The following CADPS variants were observed in gnomAD, a reference collection of about 807,000 sequenced individuals.
The protein encoded by CADPS is calcium-dependent secretion activator 1.
CADPS carries 57 observed loss-of-function variants against 167.3 expected under a neutral mutation model. The ratio of observed to expected loss-of-function variants is 0.34; its 90% CI spans 0.28 to 0.42. The LOEUF is 0.42. Ranked by LOEUF, CADPS falls within the 20% of genes least tolerant of loss-of-function variation. The pLI is 1.00. For missense variants in CADPS, 1,414 were observed against 1,738.1 expected (o/e 0.81, Z 3.32); for synonymous variants, 676 against 635.3 (o/e 1.06, Z -0.96).
intron 9 of CADPS, among the ~76,000 whole-genome samples, chr3:62,570,606 T>C (rs556509434): frequency 2.2e-4 from 34 of 152,320 alleles, no homozygotes; most frequent in Admixed American, 5.2e-4. Context: ...TACTGTATTG[T>C]TCGAATTAAA....
At chr3:62,769,130 T>TA (rs2087780279) in intron 1 of CADPS, among the ~76,000 whole-genome samples, 1 of 152,182 alleles carries the variant, frequency 6.6e-6, no homozygotes, top group Non-Finnish European at 1.5e-5. Context: ...CTCATAGGGT[T>TA]GTTGTGAGGA....
chr3:62,698,755 T>TC (rs2080842162), intron 3 of CADPS, among the ~76,000 whole-genome samples: 1 of 97,996 alleles, frequency 1.0e-5, no homozygotes, highest in Non-Finnish European at 2.0e-5. Context: ...TTTTTTTTTT[T>TC]TTCAGACAGG....
At chr3:62,469,177 A>G (rs889702463) in intron 24 of CADPS, among the ~76,000 whole-genome samples, 1 of 152,216 alleles carries the variant, frequency 6.6e-6, no homozygotes, top group Non-Finnish European at 1.5e-5. Flanking sequence ...GCAAAGAGGT[A>G]AATATCAAAG....
intron 2 of CADPS, among the ~76,000 whole-genome samples, chr3:62,762,781 T>C (rs1440621712): frequency 6.6e-6 from 1 of 152,128 alleles, no homozygotes; most frequent in Non-Finnish European, 1.5e-5. Context: ...CTGGAACTAA[T>C]GCTCTGCGGA....
At chr3:62,428,817 T>C (rs1274281904) in intron 28 of CADPS, among the ~76,000 whole-genome samples, 2 of 152,166 alleles carry the variant, frequency 1.3e-5, no homozygotes, top group Non-Finnish European at 2.9e-5. Flanking sequence ...TTTGGCCATA[T>C]CTGGAGACAT....
At chr3:62,847,074 C>T (rs2077575959) in intron 1 of CADPS, among the ~76,000 whole-genome samples, 1 of 152,124 alleles carries the variant, frequency 6.6e-6, no homozygotes, top group African/African-American at 2.4e-5. Context: ...CTGTCTGTGC[C>T]TTCTTTGGGC....
intron 3 of CADPS, among the ~76,000 whole-genome samples, chr3:62,739,467 C>T (rs1201617971): frequency 1.3e-5 from 2 of 152,164 alleles, no homozygotes; most frequent in Non-Finnish European, 1.5e-5. Flanking sequence ...AACAGCTAAC[C>T]CATACAGGTA....
At position 62,711,615 on chromosome 3, in the gene CADPS, G is replaced by T. The variant is rs538652165; in HGVS notation, c.888+41826C>A. On this transcript the variant is annotated intron_variant, in intron 3 of 29. Coordinates refer to ENST00000383710, the MANE Select transcript of CADPS (RefSeq NM_003716.4). ...CCAGCTTGGTGATTTTCCCTGCAAG[G>T]GAGCTGAGATAGGAAGGCTGAAGTG... 3.3e-5 allele frequency among the ~76,000 whole-genome samples: 5 copies of T among 152,340 alleles called. No homozygotes were observed. The South Asian group carries it at 8.3e-4, about 25-fold the overall frequency.
chr3:62,405,455 A>T (rs935791530), intron 28 of CADPS, among the ~76,000 whole-genome samples: 3 of 140,528 alleles, frequency 2.1e-5, no homozygotes, highest in African/African-American at 7.4e-5. Context: ...CAGGAAAAAA[A>T]AAAAAAAAAT....
chr3:62,758,346 G>A (rs551360461), intron 2 of CADPS, among the ~76,000 whole-genome samples: 9 of 152,300 alleles, frequency 5.9e-5, no homozygotes, highest in Non-Finnish European at 1.2e-4. Context: ...TAAGAACATG[G>A]AGGAAAGAGG....
At chr3:62,779,419 T>C in intron 1 of CADPS, 1 of 483,210 alleles carries the variant, frequency 2.1e-6, no homozygotes, top group Non-Finnish European at 4.0e-6. Context: ...CTTCTTAATT[T>C]CATTCTTGAT....
At chr3:62,837,269 G>C (rs2076030392) in intron 1 of CADPS, among the ~76,000 whole-genome samples, 2 of 152,150 alleles carry the variant, frequency 1.3e-5, no homozygotes, top group Non-Finnish European at 2.9e-5. Context: ...CAGCTTGTAT[G>C]TGACTGAGCT....
rs933853146 is a variant in CADPS at position 62,874,235 on chromosome 3, G to T, written c.441+354C>A. 6.6e-6 allele frequency among the ~76,000 whole-genome samples: 1 copy of T among 152,158 alleles called. No homozygotes were observed. The highest frequency in any genetic ancestry group is 2.1e-4 in the South Asian group (1 of 4,836). On this transcript the variant is annotated intron_variant, in intron 1 of 29. Transcript: ENST00000383710. The surrounding 1 kb of genome is among the most constrained non-coding windows in gnomAD (Gnocchi z 7.1). ...AGAGCGCTGGGAGCCCTGCAAGCGAGCAAGGCCTCTCTGGGCGCCGCGGGC... is the reference window on the plus strand; with the variant it reads ...AGAGCGCTGGGAGCCCTGCAAGCGATCAAGGCCTCTCTGGGCGCCGCGGGC...
intron 6 of CADPS, among the ~76,000 whole-genome samples, chr3:62,629,780 GT>G (rs201132481): frequency 8.5e-5 from 10 of 118,302 alleles, no homozygotes; most frequent in Non-Finnish European, 1.2e-4. Flanking sequence ...TTGTTTGTTT[GT>G]TTTTTTCCTG....
At chr3:62,510,542 TG>T (rs1463503666) in intron 17 of CADPS, among the ~76,000 whole-genome samples, 2 of 152,176 alleles carry the variant, frequency 1.3e-5, no homozygotes, top group African/African-American at 4.8e-5. Flanking sequence ...AGCAGGCTTT[TG>T]CATCTTTTTT....
At position 62,421,655 on chromosome 3, in the gene CADPS, T is replaced by G. The variant is rs138146919; in HGVS notation, c.3777+16449A>C. ...CCACCCCTCCTGACGCTTCCCCCTTTTCCCCCCAAAGGAGGGGGAAGGGGG... is the reference window on the plus strand; with the variant it reads ...CCACCCCTCCTGACGCTTCCCCCTTGTCCCCCCAAAGGAGGGGGAAGGGGG... On this transcript the variant is annotated intron_variant, in intron 28 of 29. Coordinates refer to ENST00000383710, the MANE Select transcript of CADPS (RefSeq NM_003716.4). The surrounding 1 kb of genome is among the most constrained non-coding windows in gnomAD (Gnocchi z 4.7). 2.6e-4 allele frequency among the ~76,000 whole-genome samples: 40 copies of G among 152,350 alleles called. No homozygotes were observed. The highest frequency in any genetic ancestry group is 7.5e-4 in the African/African-American group (31 of 41,596).
At chr3:62,804,391 C>T (rs541911570) in intron 1 of CADPS, among the ~76,000 whole-genome samples, 4 of 151,866 alleles carry the variant, frequency 2.6e-5, no homozygotes, top group African/African-American at 4.8e-5. Flanking sequence ...TTGCCAGGGG[C>T]GATTCTGGGT....
At chr3:62,546,297 C>T (rs1031867555) in intron 11 of CADPS, among the ~76,000 whole-genome samples, 6 of 152,038 alleles carry the variant, frequency 3.9e-5, no homozygotes, top group South Asian at 2.1e-4. Flanking sequence ...ATCTTTCTTG[C>T]GTGGTAGTAC....
intron 8 of CADPS, among the ~76,000 whole-genome samples, chr3:62,584,589 AT>A (rs771460517): frequency 6.6e-6 from 1 of 152,178 alleles, no homozygotes; most frequent in Non-Finnish European, 1.5e-5. Flanking sequence ...ACCAACAAAC[AT>A]TTGCTAGAAA....
Sources: allele counts gnomAD v4.1 joint callset (sites outside exome capture counted in the v4.1 genomes callset), GRCh38; gene constraint gnomAD v4.1.1; non-coding constraint Gnocchi (gnomAD v3.1); transcripts MANE v1.5; gene names NCBI Gene and HGNC (gene_info 2026-07-23, HGNC 2026-07-21).